The following SCMH1 variants were observed in gnomAD, a reference collection of about 807,000 sequenced individuals.
The protein encoded by SCMH1 is polycomb protein SCMH1.
In SCMH1, 37 loss-of-function variants were observed where a neutral mutation model predicts 70.8. The observed-to-expected ratio is 0.52, with a 90% CI of 0.40 to 0.69. The LOEUF is 0.69. SCMH1 is among the 30% of genes least tolerant of loss of function. The pLI, the probability that SCMH1 is intolerant of heterozygous loss-of-function variation, is 0.00. For synonymous variants in SCMH1, 292 were observed against 307.4 expected (o/e 0.95, Z 0.52); for missense variants, 607 against 827.3 (o/e 0.73, Z 3.27).
intron 10 of SCMH1, among the ~76,000 whole-genome samples, chr1:41,049,308 A>AAATG (rs1647195447): frequency 1.6e-5 from 1 of 60,726 alleles, no homozygotes; most frequent in Non-Finnish European, 3.0e-5. Context: ...TAGCAAGGGC[A>AAATG]TATGTGTGTG....
chr1:41,057,950 G>C (rs1209269932), intron 10 of SCMH1, among the ~76,000 whole-genome samples: 1 of 151,754 alleles, frequency 6.6e-6, no homozygotes, highest in Non-Finnish European at 1.5e-5. Flanking sequence ...GCAAAACCTT[G>C]TCTCTACTAA....
rs764889070 is a variant in SCMH1 at position 41,070,728 on chromosome 1, A to G, written c.979-7T>C. On this transcript the variant is annotated splice_polypyrimidine_tract_variant and splice_region_variant and intron_variant, in intron 9 of 14. Transcript: ENST00000337495. ...GCAAAGTCCGAGGTTTCCTCTGTCAAAATGAATGGGAAAAAAATTGCTACC... is the reference window on the plus strand; with the variant it reads ...GCAAAGTCCGAGGTTTCCTCTGTCAGAATGAATGGGAAAAAAATTGCTACC... 1 of 1,613,800 alleles carries G rather than the reference A, an allele frequency of 6.2e-7. No homozygotes were observed. Among genetic ancestry groups the G allele is most frequent in the Admixed American group, 1.7e-5 (1 of 59,972 alleles).
chr1:41,083,742 T>C (rs1315210283), intron 8 of SCMH1, among the ~76,000 whole-genome samples: 5 of 152,114 alleles, frequency 3.3e-5, no homozygotes, highest in Admixed American at 6.5e-5. Flanking sequence ...AAGGCTACAG[T>C]AACCAAAACA....
At chr1:41,036,231 C>A (rs1324429997) in intron 13 of SCMH1, among the ~76,000 whole-genome samples, 1 of 152,176 alleles carries the variant, frequency 6.6e-6, no homozygotes, top group Non-Finnish European at 1.5e-5. Context: ...TTCAGCCCAG[C>A]ACTCTTCCCT....
At chr1:41,190,638 T>G (rs1651470973) in intron 1 of SCMH1, among the ~76,000 whole-genome samples, 1 of 152,220 alleles carries the variant, frequency 6.6e-6, no homozygotes, top group South Asian at 2.1e-4. Context: ...AACAACACTG[T>G]GCAAGTTTAG....
chr1:41,165,943 A>C (rs935222569), intron 2 of SCMH1, among the ~76,000 whole-genome samples: 10 of 152,050 alleles, frequency 6.6e-5, no homozygotes, highest in African/African-American at 2.4e-4. Flanking sequence ...CATATCAAAG[A>C]AATCTCTGTC....
At chr1:41,069,847 C>A (rs982693617) in intron 10 of SCMH1, among the ~76,000 whole-genome samples, 2 of 152,154 alleles carry the variant, frequency 1.3e-5, no homozygotes, top group Admixed American at 6.5e-5. Flanking sequence ...TCCCTTCAGG[C>A]TCCTACATTC....
At chr1:41,125,075 G>A (rs1009982716) in intron 6 of SCMH1, among the ~76,000 whole-genome samples, 4 of 152,130 alleles carry the variant, frequency 2.6e-5, no homozygotes, top group African/African-American at 9.7e-5. Flanking sequence ...TAATTTACAG[G>A]CAATCAGTGG....
chr1:41,161,042 A>C lies in SCMH1; in HGVS notation c.83-144T>G, dbSNP rs554082004. ...CCTAAAAGACACTGAGATTCTTAGT[A>C]GTCATTGTGGAAGCACACCACCCAA... On this transcript the variant is annotated intron_variant, in intron 3 of 14. Transcript: ENST00000337495. 4 of 949,348 alleles carry C rather than the reference A, an allele frequency of 4.2e-6. No individual in the cohort carries two copies. The South Asian group carries it at 6.3e-5, about 15-fold the overall frequency. The allele number at this position is 949,348 out of a possible 1,614,324, so 58.8% of individuals were successfully genotyped here.
chr1:41,033,532 T>C (rs1644845588), intron 13 of SCMH1, among the ~76,000 whole-genome samples: 1 of 152,186 alleles, frequency 6.6e-6, no homozygotes, highest in Non-Finnish European at 1.5e-5. Context: ...CTATTCCCTC[T>C]GCAGACAGCC....
intron 1 of SCMH1, among the ~76,000 whole-genome samples, chr1:41,206,800 G>A (rs1381789033): frequency 2.0e-5 from 3 of 152,076 alleles, no homozygotes; most frequent in Admixed American, 6.6e-5. Flanking sequence ...GAGAAAGGTC[G>A]GGTTACCCAC....
At chr1:41,038,436 C>T (rs1238276585) in intron 12 of SCMH1, among the ~76,000 whole-genome samples, 1 of 152,122 alleles carries the variant, frequency 6.6e-6, no homozygotes, top group Admixed American at 6.5e-5. Context: ...ATAACACTGT[C>T]CTTTATCATT....
At position 41,033,775 on chromosome 1, in the gene SCMH1, A is replaced by G. The variant is rs557577324; in HGVS notation, c.1678+3587T>C. On this transcript the variant is annotated intron_variant, in intron 13 of 14. Coordinates refer to ENST00000337495, the Ensembl canonical transcript of SCMH1. Reference sequence around the variant, plus strand: ...TAGGGCCAGCCGAATGAATCTTTTCATAGCCTTATGAAGACCATCAGGCTG... The same window carrying G: ...TAGGGCCAGCCGAATGAATCTTTTCGTAGCCTTATGAAGACCATCAGGCTG... 1.3e-4 allele frequency among the ~76,000 whole-genome samples: 20 copies of G among 152,356 alleles called. No homozygotes were observed. In the East Asian group the frequency reaches 2.7e-3, roughly 21 times the overall value.
At chr1:41,155,736 C>CT (rs1164145463) in intron 4 of SCMH1, among the ~76,000 whole-genome samples, 1 of 152,092 alleles carries the variant, frequency 6.6e-6, no homozygotes, top group Non-Finnish European at 1.5e-5. Context: ...AATCCCAGCA[C>CT]TTTGGGAGGC....
At chr1:41,131,639 G>T (rs1674740210) in intron 6 of SCMH1, among the ~76,000 whole-genome samples, 1 of 152,114 alleles carries the variant, frequency 6.6e-6, no homozygotes, top group Non-Finnish European at 1.5e-5. Flanking sequence ...GTGCCATGTT[G>T]GTTTGCTGCA....
At chr1:41,070,461 A>C (rs182748883) in intron 10 of SCMH1, 134 bp downstream of exon 10, 2 of 1,204,134 alleles carry the variant, frequency 1.7e-6, no homozygotes, top group Admixed American at 5.8e-5. Flanking sequence ...TTCAAATGCC[A>C]AAGATAAAAT....
At chr1:41,092,017 AACT>A (rs1230957689) in intron 8 of SCMH1, among the ~76,000 whole-genome samples, 1 of 152,190 alleles carries the variant, frequency 6.6e-6, no homozygotes, top group Non-Finnish European at 1.5e-5. Flanking sequence ...AATTGGAAAA[AACT>A]ACTTTAAAGT....
chr1:41,214,783 G>T (rs1450071706), intron 1 of SCMH1, among the ~76,000 whole-genome samples: 3 of 152,106 alleles, frequency 2.0e-5, no homozygotes, highest in South Asian at 4.1e-4. Context: ...GTCTGACAGG[G>T]TGTCCAAAGG....
At chr1:41,189,319 T>G (rs987936249) in intron 1 of SCMH1, among the ~76,000 whole-genome samples, 12 of 152,208 alleles carry the variant, frequency 7.9e-5, no homozygotes, top group Admixed American at 2.6e-4. Flanking sequence ...CTGGCTAATT[T>G]TTTGTATTTT....
Sources: allele counts gnomAD v4.1 joint callset (sites outside exome capture counted in the v4.1 genomes callset), GRCh38; gene constraint gnomAD v4.1.1; transcripts MANE v1.5; gene names NCBI Gene and HGNC (gene_info 2026-07-23, HGNC 2026-07-21).